The following FRMPD4 variants were observed in gnomAD, a reference collection of about 807,000 sequenced individuals.
The protein encoded by FRMPD4 is FERM and PDZ domain containing 4, also known as FERM and PDZ domain-containing protein 4.
FRMPD4 carries 22 observed loss-of-function variants against 94.1 expected under a neutral mutation model. The observed-to-expected ratio is 0.23, with a 90% CI of 0.17 to 0.33. The LOEUF is 0.33. FRMPD4 is among the 10% of genes least tolerant of loss of function. The pLI, the probability that FRMPD4 is intolerant of heterozygous loss-of-function variation, is 1.00. For missense variants in FRMPD4, 1,111 were observed against 1,339.9 expected (o/e 0.83, Z 2.67); for synonymous variants, 631 against 548.6 (o/e 1.15, Z -2.10).
At chrX:12,713,619 C>T (rs1418549123) in intron 14 of FRMPD4, among the ~76,000 whole-genome samples, 2 of 111,520 alleles carry the variant, frequency 1.8e-5, no homozygotes, top group African/African-American at 6.5e-5. Context: ...AAAGTACTCT[C>T]TTCTCTTCAG....
At chrX:11,849,193 T>C (rs1233684447) in intron 1 of FRMPD4, among the ~76,000 whole-genome samples, 35 of 111,451 alleles carry the variant, frequency 3.1e-4, no homozygotes, top group African/African-American at 1.1e-3. Context: ...TAGAAAATAA[T>C]TTCATTTACA....
intron 4 of FRMPD4, among the ~76,000 whole-genome samples, chrX:12,636,296 GT>G (rs1198853520): frequency 9.0e-6 from 1 of 110,876 alleles, no homozygotes; most frequent in African/African-American, 3.3e-5. Context: ...TTTATTTATA[GT>G]TTTTTTAAAG....
chrX:12,630,055 G>T (rs999584902), intron 4 of FRMPD4, among the ~76,000 whole-genome samples: 5 of 112,550 alleles, frequency 4.4e-5, no homozygotes, highest in Non-Finnish European at 7.5e-5. Context: ...TGACTTTGGG[G>T]ACACATAGGT....
chrX:11,926,000 TAAA>T (rs757787631), intron 3 of FRMPD4, among the ~76,000 whole-genome samples: 1 of 109,262 alleles, frequency 9.2e-6, no homozygotes, highest in African/African-American at 3.3e-5. Context: ...GCTAGACTAA[TAAA>T]AAAGAAAAGA....
At chrX:12,317,726 T>C (rs1233751391) in intron 1 of FRMPD4, among the ~76,000 whole-genome samples, 1 of 111,459 alleles carries the variant, frequency 9.0e-6, no homozygotes, top group Non-Finnish European at 1.9e-5. Context: ...CATCACTTAT[T>C]ATCAAGGAAA....
intron 3 of FRMPD4, among the ~76,000 whole-genome samples, chrX:11,911,759 A>T (rs2053998163): frequency 8.9e-6 from 1 of 112,190 alleles, no homozygotes. Context: ...TTATAATGAT[A>T]ATGATAGGTG....
At chrX:12,608,448 G>A (rs1167198320) in intron 2 of FRMPD4, among the ~76,000 whole-genome samples, 1 of 112,768 alleles carries the variant, frequency 8.9e-6, no homozygotes, top group South Asian at 3.6e-4. Context: ...GACTTCTGAA[G>A]TTTAGGTGTT....
intron 2 of FRMPD4, among the ~76,000 whole-genome samples, chrX:12,540,700 G>C (rs1323546253): frequency 9.0e-6 from 1 of 111,150 alleles, no homozygotes; most frequent in African/African-American, 3.3e-5. Context: ...AAATTAAAAA[G>C]GATATCCAGC....
intron 4 of FRMPD4, among the ~76,000 whole-genome samples, chrX:12,662,618 T>A (rs2059728637): frequency 8.9e-6 from 1 of 112,608 alleles, no homozygotes; most frequent in Non-Finnish European, 1.9e-5. Flanking sequence ...GCATTTGGGT[T>A]GGTTCCAAGC....
chrX:12,117,283 T>C (rs1286087280), intron 3 of FRMPD4, among the ~76,000 whole-genome samples: 2 of 111,681 alleles, frequency 1.8e-5, no homozygotes, highest in Non-Finnish European at 3.8e-5. Context: ...TTTTTCATTA[T>C]TTTAAAAAAT....
At chrX:12,454,063 A>T (rs73436770) in intron 1 of FRMPD4, among the ~76,000 whole-genome samples, 2,198 of 112,292 alleles carry the variant, frequency 0.02, 63 homozygotes, top group African/African-American at 0.067. Flanking sequence ...GAAGTTTTTT[A>T]AAAAGGCAGA....
chrX:11,945,317 T>C (rs1050544649), intron 3 of FRMPD4, among the ~76,000 whole-genome samples: 1 of 112,239 alleles, frequency 8.9e-6, no homozygotes, highest in Non-Finnish European at 1.9e-5. Flanking sequence ...TATAAGACTA[T>C]GAGAGTTATG....
chrX:12,332,219 G>T (rs1030659798), intron 1 of FRMPD4, among the ~76,000 whole-genome samples: 2,149 of 64,460 alleles, frequency 0.033, 147 homozygotes, highest in African/African-American at 0.075. Flanking sequence ...GAGAGAGAGA[G>T]AGAGAGAGAG....
At chrX:12,343,563 C>T (rs1486223668) in intron 1 of FRMPD4, among the ~76,000 whole-genome samples, 2 of 111,896 alleles carry the variant, frequency 1.8e-5, no homozygotes, top group African/African-American at 6.5e-5. Flanking sequence ...TGAAAAACCA[C>T]TCACCCCTCT....
intron 1 of FRMPD4, among the ~76,000 whole-genome samples, chrX:12,178,360 T>TA (rs1240205649): frequency 8.9e-6 from 1 of 112,058 alleles, no homozygotes; most frequent in Non-Finnish European, 1.9e-5. Context: ...AGTGATTTTT[T>TA]AAAAAATTAA....
chrX:11,823,068 A>G (rs1316951142), intron 1 of FRMPD4, among the ~76,000 whole-genome samples: 1 of 110,906 alleles, frequency 9.0e-6, no homozygotes, highest in Non-Finnish European at 1.9e-5. Flanking sequence ...GAGGGAATTC[A>G]TGATTGGGTG....
At chrX:12,457,888 C>G (rs932656907) in intron 1 of FRMPD4, among the ~76,000 whole-genome samples, 1 of 111,857 alleles carries the variant, frequency 8.9e-6, no homozygotes, top group African/African-American at 3.2e-5. Flanking sequence ...AGATAGCAAG[C>G]CTGAAACTGC....
chrX:11,952,951 G>A (rs1238813849), intron 3 of FRMPD4, among the ~76,000 whole-genome samples: 1 of 111,970 alleles, frequency 8.9e-6, no homozygotes. Flanking sequence ...TCCTCCAGGA[G>A]ATCTATTTGC....
intron 2 of FRMPD4, among the ~76,000 whole-genome samples, chrX:12,540,390 G>C (rs1481829239): frequency 2.7e-5 from 3 of 111,728 alleles, no homozygotes; most frequent in African/African-American, 9.8e-5. Flanking sequence ...AAGGGATGGA[G>C]GAAGATCTAC....
Sources: allele counts gnomAD v4.1 joint callset (sites outside exome capture counted in the v4.1 genomes callset), GRCh38; gene constraint gnomAD v4.1.1; transcripts MANE v1.5; gene names NCBI Gene and HGNC (gene_info 2026-07-23, HGNC 2026-07-21).